Variants in EPHA6 observed in about 807,000 individuals in gnomAD.
The protein encoded by EPHA6 is EPH receptor A6, also known as ephrin type-A receptor 6.
EPHA6 carries 50 observed loss-of-function variants against 112.0 expected under a neutral mutation model. That is an observed-to-expected ratio of 0.45 (90% CI 0.36 to 0.56). EPHA6 has a LOEUF of 0.56. Among genes scored for constraint, EPHA6 ranks in the 20% least tolerant of loss-of-function variants. The pLI, the probability that EPHA6 is intolerant of heterozygous loss-of-function variation, is 0.00. For synonymous variants in EPHA6, 529 were observed against 490.7 expected, an observed-to-expected ratio of 1.08 and a Z score of -1.03; for missense variants, 1,280 against 1,417.4, an observed-to-expected ratio of 0.90 and a Z score of 1.56.
At chr3:97,253,839 GTCTA>G (rs2079217398) in intron 5 of EPHA6, among the ~76,000 whole-genome samples, 1 of 151,972 alleles carries the variant, frequency 6.6e-6, no homozygotes, top group South Asian at 2.1e-4. Context: ...TTTGGCCATT[GTCTA>G]TCTATGAGTT....
chr3:97,202,711 C>A (rs2077609593), intron 3 of EPHA6, among the ~76,000 whole-genome samples: 1 of 152,130 alleles, frequency 6.6e-6, no homozygotes, highest in African/African-American at 2.4e-5. Context: ...CTTGTGTTGA[C>A]TATAGGAGTC....
chr3:97,424,234 C>T (rs2088911446), intron 6 of EPHA6, among the ~76,000 whole-genome samples: 1 of 152,086 alleles, frequency 6.6e-6, no homozygotes, highest in South Asian at 2.1e-4. Flanking sequence ...GGGAAACTGT[C>T]CCCATGATTA....
chr3:96,972,084 A>G (rs1209281039), intron 2 of EPHA6, among the ~76,000 whole-genome samples: 1 of 152,196 alleles, frequency 6.6e-6, no homozygotes, highest in South Asian at 2.1e-4. Context: ...TTGTGTATTA[A>G]TCATCTACCA....
chr3:96,904,375 C>T (rs549693980), intron 2 of EPHA6, among the ~76,000 whole-genome samples: 8 of 145,154 alleles, frequency 5.5e-5, no homozygotes, highest in Non-Finnish European at 1.0e-4. Flanking sequence ...CCAAACACCG[C>T]GTGTTGTCAC....
chr3:96,930,773 C>G (rs1479728040), intron 2 of EPHA6, among the ~76,000 whole-genome samples: 2 of 152,024 alleles, frequency 1.3e-5, no homozygotes, highest in Admixed American at 1.3e-4. Context: ...GGGCAGATCA[C>G]CTAAGGTCAG....
At chr3:97,203,646 C>CA (rs914926948) in intron 3 of EPHA6, among the ~76,000 whole-genome samples, 2 of 151,706 alleles carry the variant, frequency 1.3e-5, no homozygotes, top group African/African-American at 2.4e-5. Context: ...AGGGAAAAAA[C>CA]AAAAAAACAG....
intron 3 of EPHA6, among the ~76,000 whole-genome samples, chr3:97,189,737 A>G (rs1258989773): frequency 6.6e-6 from 1 of 152,074 alleles, no homozygotes; most frequent in Admixed American, 6.6e-5. Context: ...TACTTGGTCT[A>G]CTTTTCTTCA....
intron 11 of EPHA6, among the ~76,000 whole-genome samples, chr3:97,539,734 G>A (rs1343406989): frequency 6.6e-6 from 1 of 152,184 alleles, no homozygotes; most frequent in African/African-American, 2.4e-5. Flanking sequence ...GAAAAGGATT[G>A]TGGTATCTAT....
chr3:97,740,338 G>C (rs534155350), intron 16 of EPHA6, among the ~76,000 whole-genome samples: 1 of 152,228 alleles, frequency 6.6e-6, no homozygotes, highest in Non-Finnish European at 1.5e-5. Flanking sequence ...CAGGTCCCCA[G>C]CATGTCACTG....
At chr3:96,836,693 A>G (rs957176255) in intron 1 of EPHA6, among the ~76,000 whole-genome samples, 1 of 152,182 alleles carries the variant, frequency 6.6e-6, no homozygotes, top group Non-Finnish European at 1.5e-5. Context: ...AAAGAAGAGA[A>G]CAGTAAAAGG....
rs987025790 is a variant in EPHA6 at position 96,878,176 on chromosome 3, C to T, written c.450+11287C>T. ...ATAGTAAATAAATATGTACAGCCACCATATTATAGTTAATTTGTATTCTTT... is the reference window on the plus strand; with the variant it reads ...ATAGTAAATAAATATGTACAGCCACTATATTATAGTTAATTTGTATTCTTT... On this transcript the variant is annotated intron_variant, in intron 2 of 17. Transcript: ENST00000389672. Among the ~76,000 whole-genome samples, 13 of 151,652 alleles carry T rather than the reference C, an allele frequency of 8.6e-5. 1 individual carries two copies. The highest frequency in any genetic ancestry group is 1.5e-5 in the Non-Finnish European group (1 of 67,874).
At chr3:96,935,825 A>G (rs546095855) in intron 2 of EPHA6, among the ~76,000 whole-genome samples, 1 of 151,300 alleles carries the variant, frequency 6.6e-6, no homozygotes, top group African/African-American at 2.4e-5. Context: ...ATTTTCAAAT[A>G]TGTCCTAAGT....
chr3:97,357,468 CTAGGATTACAGGCATGAGCCACTGT>C (rs1577078306), intron 5 of EPHA6, among the ~76,000 whole-genome samples: 1 of 152,138 alleles, frequency 6.6e-6, no homozygotes, highest in East Asian at 1.9e-4. Context: ...TCCCAAATTG[CTAGGATTACAGGCATGAGCCACTGT>C]GCCCAACTAG....
At chr3:97,258,818 C>T (rs1165222957) in intron 5 of EPHA6, among the ~76,000 whole-genome samples, 1 of 152,084 alleles carries the variant, frequency 6.6e-6, no homozygotes, top group Non-Finnish European at 1.5e-5. Flanking sequence ...CATTAGATAA[C>T]ATGATGAGCA....
chr3:97,592,592 C>T lies in EPHA6; in HGVS notation c.2387-20C>T. 1 of 1,612,210 alleles carries T rather than the reference C, an allele frequency of 6.2e-7. No homozygotes were observed. The highest frequency in any genetic ancestry group is 8.5e-7 in the Non-Finnish European group (1 of 1,179,106). The stretch of plus-strand genomic sequence containing the variant: ...CCATAAAGAAGACTTTGATTAATGT[C>T]AATTTTTATCTCTTAAAAGGATCCT... On this transcript the variant is annotated intron_variant, in intron 11 of 17. Transcript: ENST00000389672.
intron 2 of EPHA6, among the ~76,000 whole-genome samples, chr3:96,951,016 G>C (rs146140062): frequency 6.6e-6 from 1 of 151,208 alleles, no homozygotes; most frequent in Non-Finnish European, 1.5e-5. Flanking sequence ...TTTTTACTTA[G>C]TTAAGAACTG....
chr3:96,855,640 A>T (rs541022894), intron 1 of EPHA6, among the ~76,000 whole-genome samples: 3 of 152,084 alleles, frequency 2.0e-5, no homozygotes, highest in Non-Finnish European at 4.4e-5. Context: ...CAGCATTAAA[A>T]TAATAGTTGA....
At chr3:97,530,888 G>A (rs1264443354) in intron 10 of EPHA6, among the ~76,000 whole-genome samples, 1 of 151,944 alleles carries the variant, frequency 6.6e-6, no homozygotes, top group Non-Finnish European at 1.5e-5. Context: ...TTCATGCATA[G>A]TCAGCATTTA....
At chr3:97,647,762 A>T (rs1365941449) in intron 14 of EPHA6, among the ~76,000 whole-genome samples, 1 of 152,162 alleles carries the variant, frequency 6.6e-6, no homozygotes, top group Non-Finnish European at 1.5e-5. Context: ...TTTGACACAC[A>T]TTCACATGGA....
Sources: gnomAD v4.1 joint callset for allele counts (sites outside exome capture counted in the v4.1 genomes callset) on GRCh38, gnomAD v4.1.1 for gene constraint, MANE v1.5 for transcripts, NCBI Gene and HGNC (gene_info 2026-07-23, HGNC 2026-07-21) for gene names.